The following GALNT14 variants were observed in gnomAD, a reference collection of about 807,000 sequenced individuals.
GALNT14 encodes the protein UDP-GalNAc:polypeptide N-acetylgalactosaminyltransferase 14.
Under a neutral mutation model 77.5 loss-of-function variants are expected in GALNT14, and 60 were observed. That is an observed-to-expected ratio of 0.77 (90% CI 0.63 to 0.96). The LOEUF (loss-of-function observed/expected upper bound fraction) is 0.96, where lower values mean the gene tolerates loss of function less well. Ranked by LOEUF, GALNT14 falls within the 40% of genes least tolerant of loss-of-function variation. The probability of loss-of-function intolerance (pLI) is 0.00; values close to 1 mark genes in which losing one functional copy is unlikely to be tolerated. For synonymous variants in GALNT14, 280 were observed against 281.7 expected (o/e 0.99, Z 0.06); for missense variants, 710 against 731.0 (o/e 0.97, Z 0.33).
chr2:30,972,888 G>T (rs1353750902), intron 2 of GALNT14, among the ~76,000 whole-genome samples: 1 of 152,154 alleles, frequency 6.6e-6, no homozygotes, highest in Non-Finnish European at 1.5e-5. Flanking sequence ...TCCTAAACAG[G>T]GGCTTCCACT....
At position 30,944,871 on chromosome 2, in the gene GALNT14, TG is replaced by T; in HGVS notation, c.813del (p.Thr272ArgfsTer9). On this transcript the variant is annotated frameshift_variant, in exon 8 of 15. Transcript: ENST00000349752. LOFTEE classifies it high-confidence loss of function. ...CTTCCCACTTACCTGATGGGCTCCG[TG>T]GGGTCCAGGCGCCGAGCCTTCTGCT... ...SPEQKARRLDPTEPIRTPIIA... is the reference protein window; with the variant it reads ...SPEQKARRLDXTEPIRTPIIA... The T allele has an allele frequency of 6.2e-7, 1 of 1,608,300 alleles. No individual in the cohort carries two copies. The highest frequency in any genetic ancestry group is 8.5e-7 in the Non-Finnish European group (1 of 1,176,202).
chr2:31,009,616 C>T lies in GALNT14; in HGVS notation c.130-16609G>A, dbSNP rs553432985. 6.6e-5 allele frequency among the ~76,000 whole-genome samples: 10 copies of T among 152,282 alleles called. No homozygotes were observed. The South Asian group carries it at 1.9e-3, about 28-fold the overall frequency. ...CAAAAAAACGCCTACTGGACATGCC[C>T]ACTTAAGGTCTCACAAGCATCTCAC... On this transcript the variant is annotated intron_variant, in intron 1 of 14. Transcript: ENST00000349752.
intron 13 of GALNT14, 95 bp from the exon 14 acceptor site, chr2:30,912,437 G>C: frequency 7.1e-7 from 1 of 1,409,428 alleles, no homozygotes. Flanking sequence ...AGCACAGGCT[G>C]GTAAGAAGCA....
At chr2:30,965,344 G>A (rs1350329034) in intron 3 of GALNT14, among the ~76,000 whole-genome samples, 1 of 152,060 alleles carries the variant, frequency 6.6e-6, no homozygotes, top group African/African-American at 2.4e-5. Flanking sequence ...CAGAATATGT[G>A]CGCAGAGGAG....
chr2:30,933,389 G>A (rs1025885723), intron 9 of GALNT14, among the ~76,000 whole-genome samples: 6 of 152,112 alleles, frequency 3.9e-5, no homozygotes, highest in East Asian at 1.9e-4. Flanking sequence ...TGGGTGTTCA[G>A]GGGAAGGGAA....
chr2:31,085,662 T>C (rs1383835120), intron 1 of GALNT14, among the ~76,000 whole-genome samples: 3 of 152,156 alleles, frequency 2.0e-5, no homozygotes, highest in Non-Finnish European at 4.4e-5. Context: ...TCATGAGAAG[T>C]CTCTTCATTT....
rs191850184 is a variant in GALNT14, at chr2:30,933,232, G to A, written c.932-1038C>T. ...AATGTACCCCCTAACTGACCACAGC[G>A]AGGGCAGGCTGCTTCCTGCATCCCA... On this transcript the variant is annotated intron_variant, in intron 9 of 14. Coordinates refer to ENST00000349752, the MANE Select transcript of GALNT14 (RefSeq NM_024572.4). Among the ~76,000 whole-genome samples, 131 of 152,254 alleles carry A rather than the reference G, an allele frequency of 8.6e-4. 1 individual carries two copies. The highest frequency in any genetic ancestry group is 4.2e-3 in the Admixed American group (64 of 15,296).
chr2:30,956,118 C>A, intron 4 of GALNT14, 141 bp from the exon 5 acceptor site: 1 of 776,404 alleles, frequency 1.3e-6, no homozygotes, highest in Non-Finnish European at 2.2e-6. Flanking sequence ...AGTCCTGACT[C>A]CAGGGTGTTT....
At chr2:31,068,137 C>T (rs1219508617) in intron 1 of GALNT14, among the ~76,000 whole-genome samples, 1 of 152,186 alleles carries the variant, frequency 6.6e-6, no homozygotes, top group Non-Finnish European at 1.5e-5. Flanking sequence ...GGAGCCCAGA[C>T]CAGCAGACCC....
intron 1 of GALNT14, chr2:31,078,844 A>T: frequency 2.7e-6 from 3 of 1,117,656 alleles, no homozygotes; most frequent in Non-Finnish European, 3.6e-6. Flanking sequence ...GGCCTGGGAG[A>T]ACCCAGGCAC....
chr2:31,085,128 C>T (rs1404546577), intron 1 of GALNT14, among the ~76,000 whole-genome samples: 1 of 152,156 alleles, frequency 6.6e-6, no homozygotes, highest in African/African-American at 2.4e-5. Flanking sequence ...TGCTAAGCTG[C>T]CAGGTAAAGC....
chr2:30,922,683 T>A (rs1204136754), intron 13 of GALNT14, among the ~76,000 whole-genome samples: 1 of 152,222 alleles, frequency 6.6e-6, no homozygotes, highest in African/African-American at 2.4e-5. Context: ...TTGGATGCCA[T>A]CTCTTGCAAC....
chr2:31,052,158 T>C (rs560914286), intron 1 of GALNT14, among the ~76,000 whole-genome samples: 122 of 152,174 alleles, frequency 8.0e-4, no homozygotes, highest in African/African-American at 2.9e-3. Context: ...AAGTCAGAAG[T>C]AGCACCCAGG....
chr2:31,030,179 C>A (rs1005984527), intron 1 of GALNT14, among the ~76,000 whole-genome samples: 46 of 152,176 alleles, frequency 3.0e-4, no homozygotes, highest in African/African-American at 1.1e-3. Flanking sequence ...ACTGTGGGGC[C>A]TCCCTAAGTG....
chr2:30,994,819 C>T (rs557391296), intron 1 of GALNT14, among the ~76,000 whole-genome samples: 4 of 152,154 alleles, frequency 2.6e-5, no homozygotes, highest in South Asian at 4.2e-4. Flanking sequence ...TAGAGAAGAG[C>T]GATGTGGAGC....
intron 3 of GALNT14, among the ~76,000 whole-genome samples, chr2:30,964,232 C>T (rs62139554): frequency 0.15 from 22,986 of 152,174 alleles, 1,839 homozygotes; most frequent in East Asian, 0.32. Flanking sequence ...ACCGGTGGAG[C>T]AGCCACCATG....
chr2:30,976,111 C>T (rs146194264), intron 2 of GALNT14, among the ~76,000 whole-genome samples: 30 of 152,270 alleles, frequency 2.0e-4, no homozygotes, highest in African/African-American at 7.0e-4. Flanking sequence ...CAGCAAAAAA[C>T]ATAATTACTG....
Position 31,061,629 on chromosome 2 carries a change from C to T in GALNT14, c.130-68622G>A, listed in dbSNP as rs1376737597. 5.3e-5 allele frequency among the ~76,000 whole-genome samples: 8 copies of T among 152,284 alleles called. No homozygotes were observed. In the East Asian group the frequency reaches 1.2e-3, roughly 22 times the overall value. ...CCCTTTCCCACTTGGTCTCCAAACT[C>T]TCTGACCACTATCACCTCCAGGTAC... is the stretch of plus-strand genomic sequence containing the variant. On this transcript the variant is annotated intron_variant, in intron 1 of 14. Coordinates refer to ENST00000349752, the MANE Select transcript of GALNT14 (RefSeq NM_024572.4).
At chr2:31,098,846 T>A (rs747222255) in intron 1 of GALNT14, among the ~76,000 whole-genome samples, 1 of 152,132 alleles carries the variant, frequency 6.6e-6, no homozygotes, top group African/African-American at 2.4e-5. Context: ...GAGAAAATGC[T>A]ACTAAGAAAA....
Sources: gnomAD v4.1 joint callset for allele counts (sites outside exome capture counted in the v4.1 genomes callset) on GRCh38, gnomAD v4.1.1 for gene constraint, MANE v1.5 for transcripts, NCBI Gene and HGNC (gene_info 2026-07-23, HGNC 2026-07-21) for gene names.